Variants in RAVER2 observed in about 807,000 individuals in gnomAD.
RAVER2 encodes ribonucleoprotein PTB-binding 2.
In RAVER2, 46 loss-of-function variants were observed where a neutral mutation model predicts 78.1. That is an observed-to-expected ratio of 0.59 (90% confidence interval 0.46 to 0.75). The LOEUF (loss-of-function observed/expected upper bound fraction) is 0.75. Among genes scored for constraint, RAVER2 ranks in the 30% least tolerant of loss-of-function variants. The pLI is 0.00. For missense variants in RAVER2, 793 were observed against 837.5 expected (o/e 0.95, Z 0.66); for synonymous variants, 311 against 313.3 (o/e 0.99, Z 0.08).
chr1:64,750,552 G>A (rs1052926313), intron 1 of RAVER2, among the ~76,000 whole-genome samples: 16 of 151,664 alleles, frequency 1.1e-4, no homozygotes, highest in African/African-American at 3.1e-4. Context: ...TAAAAGCTAC[G>A]TATTCCTGTT....
chr1:64,809,325 G>A (rs549104757), intron 9 of RAVER2, among the ~76,000 whole-genome samples: 2 of 152,144 alleles, frequency 1.3e-5, no homozygotes, highest in East Asian at 3.9e-4. Flanking sequence ...CTGTCAGTAG[G>A]GGTTGTACCA....
At position 64,757,250 on chromosome 1, in the gene RAVER2, A is replaced by G. The variant is rs377599760; in HGVS notation, c.250-11406A>G. 1.9e-4 allele frequency among the ~76,000 whole-genome samples: 29 copies of G among 152,270 alleles called. 7 individuals carry two copies. Among genetic ancestry groups the G allele is most frequent in the Admixed American group, 3.9e-4 (6 of 15,294 alleles). The stretch of plus-strand genomic sequence containing the variant: ...CTCCAGCCCTAGAATCAGCCATTTC[A>G]TGAAGGTGCCTATTTTAGACTGAAT... On this transcript the variant is annotated intron_variant, in intron 1 of 11. Coordinates refer to ENST00000294428, the Ensembl canonical transcript of RAVER2.
intron 1 of RAVER2, among the ~76,000 whole-genome samples, chr1:64,767,112 C>T (rs1652194731): frequency 6.6e-6 from 1 of 152,044 alleles, no homozygotes; most frequent in African/African-American, 2.4e-5. Flanking sequence ...TAGAGGATTA[C>T]CTTTTTTCAC....
At chr1:64,815,138 C>A in intron 11 of RAVER2, 1 of 176,394 alleles carries the variant, frequency 5.7e-6, no homozygotes, top group Non-Finnish European at 1.2e-5. Context: ...GTAATACAGC[C>A]ATGTCCATTC....
chr1:64,745,496 G>T lies in RAVER2; in HGVS notation c.249+75G>T, dbSNP rs1403801225. The T allele has an allele frequency of 7.0e-7, 1 of 1,438,038 alleles. No homozygotes were observed. The allele number at this position is 1,438,038 out of a possible 1,614,324, so 89.1% of individuals were successfully genotyped here. On this transcript the variant is annotated intron_variant, in intron 1 of 11. Transcript: ENST00000294428. This position sits in a 1 kb window ranked among gnomAD's most constrained non-coding sequence, Gnocchi z 4.3. Reference sequence around the variant, plus strand: ...CGCTCCGTGTCCAGGCTGGGATCGGGGGCGCCTCAGAGCGGTCCTGGGGAG... The same window carrying T: ...CGCTCCGTGTCCAGGCTGGGATCGGTGGCGCCTCAGAGCGGTCCTGGGGAG...
intron 11 of RAVER2, among the ~76,000 whole-genome samples, chr1:64,825,246 T>C (rs1420419839): frequency 1.3e-5 from 2 of 152,176 alleles, no homozygotes; most frequent in Non-Finnish European, 2.9e-5. Context: ...TAATTCATGT[T>C]TCTGTAGGTC....
intron 2 of RAVER2, among the ~76,000 whole-genome samples, chr1:64,772,208 G>A (rs1009257162): frequency 2.0e-5 from 3 of 151,908 alleles, no homozygotes; most frequent in African/African-American, 7.2e-5. Flanking sequence ...TAGAGAATTC[G>A]TGGCCTTGGA....
chr1:64,824,966 C>T (rs1452991015), intron 11 of RAVER2, among the ~76,000 whole-genome samples: 3 of 124,368 alleles, frequency 2.4e-5, no homozygotes, highest in Non-Finnish European at 4.7e-5. Flanking sequence ...AAAATTAGTG[C>T]TGTGCAATAC....
At chr1:64,826,113 AT>A (rs1645021428) in intron 11 of RAVER2, among the ~76,000 whole-genome samples, 2 of 152,308 alleles carry the variant, frequency 1.3e-5, no homozygotes, top group African/African-American at 4.8e-5. Context: ...CTTAGAAAAT[AT>A]TTTTTGAAAG....
intron 2 of RAVER2, among the ~76,000 whole-genome samples, chr1:64,775,215 A>C (rs2100830935): frequency 6.6e-6 from 1 of 152,300 alleles, no homozygotes; most frequent in South Asian, 2.1e-4. Flanking sequence ...GTCAATATGA[A>C]GATATATGTG....
chr1:64,784,973 C>G (rs1380316704), intron 4 of RAVER2, among the ~76,000 whole-genome samples: 2 of 152,038 alleles, frequency 1.3e-5, no homozygotes, highest in African/African-American at 4.8e-5. Context: ...TTAGTCTTTC[C>G]CCTTCTAATC....
intron 4 of RAVER2, among the ~76,000 whole-genome samples, chr1:64,786,521 T>C (rs916911614): frequency 6.6e-6 from 1 of 152,262 alleles, no homozygotes; most frequent in African/African-American, 2.4e-5. Flanking sequence ...CCAGGTGCGG[T>C]GGCTCTTGCC....
intron 11 of RAVER2, 71 bp downstream of exon 11, chr1:64,814,911 GAAAT>G: frequency 7.9e-7 from 1 of 1,267,700 alleles, no homozygotes. Flanking sequence ...CACTGAATAT[GAAAT>G]TGTGATTTCT....
In RAVER2 at chr1:64,777,535, T is replaced by C. The variant is rs2100833601; in HGVS notation, c.317-88T>C. 19 of 1,083,444 alleles carry C rather than the reference T, an allele frequency of 1.8e-5. No individual in the cohort carries two copies. The South Asian group carries it at 2.7e-4, about 16-fold the overall frequency. The allele number at this position is 1,083,444 out of a possible 1,614,324, so 67.1% of individuals were successfully genotyped here. A position where few individuals can be genotyped will look rare whatever the true frequency, so the allele number is the denominator to read the frequency against. On this transcript the variant is annotated intron_variant, in intron 2 of 11. Transcript: ENST00000294428. ...GTTTCAGAAAAAAGGTGTATGTTTA[T>C]GTGTACCAAGTCACAGAAGTAAGAT...
At chr1:64,782,193 C>T (rs112706564) in intron 4 of RAVER2, among the ~76,000 whole-genome samples, 1 of 152,136 alleles carries the variant, frequency 6.6e-6, no homozygotes, top group African/African-American at 2.4e-5. Flanking sequence ...CGTGAGCCAC[C>T]GCACCCAGCC....
intron 10 of RAVER2, among the ~76,000 whole-genome samples, chr1:64,813,288 G>A (rs140517619): frequency 0.013 from 1,919 of 152,326 alleles, 23 homozygotes; most frequent in South Asian, 0.024. Flanking sequence ...GATGTTCACT[G>A]CAACATTGGT....
rs978749102 is a variant in RAVER2 at position 64,793,761 on chromosome 1, T to C, written c.1105+4247T>C. On this transcript the variant is annotated intron_variant, in intron 5 of 11. Transcript: ENST00000294428. ...CCCAGGAAACCACTGATCTGCTTTC[T>C]GTCACTACAGTTTGTATTTTCTAGA... is the stretch of plus-strand genomic sequence containing the variant. 4.6e-5 allele frequency among the ~76,000 whole-genome samples: 7 copies of C among 152,374 alleles called. No homozygotes were observed. The East Asian group carries it at 9.6e-4, about 21-fold the overall frequency.
intron 5 of RAVER2, among the ~76,000 whole-genome samples, chr1:64,795,048 C>T (rs564292081): frequency 6.6e-6 from 1 of 151,708 alleles, no homozygotes; most frequent in African/African-American, 2.4e-5. Context: ...TACAATTATT[C>T]TGGCATCATT....
chr1:64,804,873 T>C (rs1177807610), intron 7 of RAVER2, 35 bp downstream of exon 7: 1 of 1,507,258 alleles, frequency 6.6e-7, no homozygotes, highest in Non-Finnish European at 9.2e-7. Flanking sequence ...TTAAAATCAG[T>C]TCATTTCTTT....
Sources: gnomAD v4.1 joint callset for allele counts (sites outside exome capture counted in the v4.1 genomes callset) on GRCh38, gnomAD v4.1.1 for gene constraint, Gnocchi (gnomAD v3.1) non-coding constraint, MANE v1.5 for transcripts, NCBI Gene and HGNC (gene_info 2026-07-23, HGNC 2026-07-21) for gene names.